Variants in MECOM observed in about 807,000 individuals in gnomAD.
The protein encoded by MECOM is histone-lysine N-methyltransferase MECOM.
A neutral mutation model predicts 116.3 loss-of-function variants in MECOM; 13 were observed. The ratio of observed to expected loss-of-function variants is 0.11; its 90% CI spans 0.07 to 0.18. The LOEUF is 0.18. MECOM is among the 10% of genes least tolerant of loss of function. The pLI is 1.00. For synonymous variants in MECOM, 528 were observed against 535.2 expected (o/e 0.99, Z 0.19); for missense variants, 1,299 against 1,509.0 (o/e 0.86, Z 2.31).
chr3:169,093,209 C>T (rs1720352199), intron 13 of MECOM, 107 bp from the exon 14 acceptor site: 1 of 1,107,390 alleles, frequency 9.0e-7, no homozygotes, highest in Non-Finnish European at 1.3e-6. Flanking sequence ...TTAAAACATG[C>T]CCTATGAATA....
chr3:169,462,630 T>G (rs115892578), intron 1 of MECOM, among the ~76,000 whole-genome samples: 1,689 of 152,300 alleles, frequency 0.011, 8 homozygotes, highest in Middle Eastern at 0.041. Context: ...GCTGTTAAAT[T>G]TACTTATCTG....
At chr3:169,545,374 T>C (rs960058746) in intron 1 of MECOM, among the ~76,000 whole-genome samples, 5 of 152,038 alleles carry the variant, frequency 3.3e-5, no homozygotes, top group African/African-American at 1.2e-4. Flanking sequence ...ACCCCAGGGG[T>C]ATAATCCTTA....
chr3:169,115,601 G>T lies in MECOM; in HGVS notation c.2271C>A (p.Val757=). ...CAGGTGTCACTGGAGGCTTGGAGGG[G>T]ACTGGAGTCAAGGGCTTCTCATCCT... The part of the protein sequence containing the change: ...KRKDEKPLTP[V]PSKPPVTPAT... Residue 757 remains valine, a synonymous_variant, in exon 8 of 17, where the codon GTC becomes GTA. Coordinates refer to ENST00000651503, the MANE Select transcript of MECOM (RefSeq NM_004991.4). 1 of 1,614,170 alleles carries T rather than the reference G, an allele frequency of 6.2e-7. No homozygotes were observed. The highest frequency in any genetic ancestry group is 8.5e-7 in the Non-Finnish European group (1 of 1,180,030).
At chr3:169,276,803 A>G (rs929460184) in intron 2 of MECOM, among the ~76,000 whole-genome samples, 1 of 152,238 alleles carries the variant, frequency 6.6e-6, no homozygotes, top group Non-Finnish European at 1.5e-5. Flanking sequence ...CAAAAACTAG[A>G]GATTAACCAA....
chr3:169,414,582 T>C (rs933280507), intron 1 of MECOM, among the ~76,000 whole-genome samples: 3 of 151,922 alleles, frequency 2.0e-5, no homozygotes, highest in East Asian at 3.9e-4. Flanking sequence ...AATAACAAAC[T>C]CCTCCAAGCT....
chr3:169,619,770 A>G (rs1247081843), intron 1 of MECOM, among the ~76,000 whole-genome samples: 1 of 152,188 alleles, frequency 6.6e-6, no homozygotes, highest in Non-Finnish European at 1.5e-5. Context: ...GAATATGAAA[A>G]TCAGGGTTTT....
chr3:169,527,315 T>G (rs1758074235), intron 1 of MECOM, among the ~76,000 whole-genome samples: 1 of 152,200 alleles, frequency 6.6e-6, no homozygotes, highest in Admixed American at 6.5e-5. Flanking sequence ...ATTCGGAAAC[T>G]TTCGTTAGTG....
chr3:169,446,742 G>A (rs1031189716), intron 1 of MECOM, among the ~76,000 whole-genome samples: 7 of 152,186 alleles, frequency 4.6e-5, no homozygotes, highest in African/African-American at 9.7e-5. Flanking sequence ...AGGAAATAAA[G>A]ACTGAGAGAG....
chr3:169,180,746 G>C (rs1160393425), intron 2 of MECOM, among the ~76,000 whole-genome samples: 4 of 147,600 alleles, frequency 2.7e-5, no homozygotes, highest in South Asian at 2.1e-4. Flanking sequence ...GGCATTTTCT[G>C]AGATCCTTTC....
intron 1 of MECOM, among the ~76,000 whole-genome samples, chr3:169,659,201 G>A (rs1028004122): frequency 6.6e-6 from 1 of 152,046 alleles, no homozygotes. Context: ...GCCCAGGGGA[G>A]GCCTTGGCTC....
chr3:169,527,719 G>A (rs1360771036), intron 1 of MECOM, among the ~76,000 whole-genome samples: 1 of 152,012 alleles, frequency 6.6e-6, no homozygotes, highest in Admixed American at 6.6e-5. Context: ...GGTTAGAGAA[G>A]ACACACACAC....
intron 1 of MECOM, among the ~76,000 whole-genome samples, chr3:169,450,789 A>G (rs914388753): frequency 3.3e-5 from 5 of 152,170 alleles, no homozygotes; most frequent in African/African-American, 1.2e-4. Context: ...AAGTAAAAGC[A>G]GAAATTTTCA....
At chr3:169,388,814 C>G (rs916426195) in intron 1 of MECOM, among the ~76,000 whole-genome samples, 1 of 152,144 alleles carries the variant, frequency 6.6e-6, no homozygotes, top group Non-Finnish European at 1.5e-5. Context: ...TTTAATGACC[C>G]TCTAAGCTTC....
chr3:169,633,772 G>T (rs1371028230), intron 1 of MECOM, among the ~76,000 whole-genome samples: 1 of 152,056 alleles, frequency 6.6e-6, no homozygotes, highest in Admixed American at 6.6e-5. Context: ...GAGAGGCTAA[G>T]GTTGGGGGTC....
intron 2 of MECOM, among the ~76,000 whole-genome samples, chr3:169,187,822 C>A (rs1746979969): frequency 6.6e-6 from 1 of 152,064 alleles, no homozygotes; most frequent in Non-Finnish European, 1.5e-5. Context: ...GAAAATATTA[C>A]CTCCATAATA....
At chr3:169,597,824 G>A (rs185657700) in intron 1 of MECOM, among the ~76,000 whole-genome samples, 1 of 152,222 alleles carries the variant, frequency 6.6e-6, no homozygotes, top group East Asian at 1.9e-4. Context: ...CCAGAATAAT[G>A]AAATAGGAGC....
chr3:169,443,486 C>A lies in MECOM; in HGVS notation c.38-61962G>T, dbSNP rs80313219. ...GTAATATCTTTGCCCATCTTAGGAA[C>A]CAATCACAGTGTTAAGAAGCAGGGA... On this transcript the variant is annotated intron_variant, in intron 1 of 16. Coordinates refer to ENST00000651503, the MANE Select transcript of MECOM (RefSeq NM_004991.4). 4.1e-4 allele frequency among the ~76,000 whole-genome samples: 62 copies of A among 152,272 alleles called. 4 individuals carry two copies. In the East Asian group the frequency reaches 0.012, roughly 29 times the overall value.
intron 2 of MECOM, among the ~76,000 whole-genome samples, chr3:169,249,551 T>C (rs1365833249): frequency 6.6e-6 from 1 of 152,188 alleles, no homozygotes; most frequent in African/African-American, 2.4e-5. Context: ...GTTAGCCTGA[T>C]AGGGTAGCCA....
intron 4 of MECOM, among the ~76,000 whole-genome samples, chr3:169,130,119 G>C (rs1237468719): frequency 6.6e-6 from 1 of 152,148 alleles, no homozygotes; most frequent in Non-Finnish European, 1.5e-5. Context: ...CAAGAGTGTT[G>C]TAAAGGAAAG....
Sources: gnomAD v4.1 joint callset for allele counts (sites outside exome capture counted in the v4.1 genomes callset) on GRCh38, gnomAD v4.1.1 for gene constraint, MANE v1.5 for transcripts, NCBI Gene and HGNC (gene_info 2026-07-23, HGNC 2026-07-21) for gene names.